PLXNB2: variants seen among roughly 807,000 people sequenced by gnomAD.
The protein encoded by PLXNB2 is plexin B2.
In PLXNB2, 85 loss-of-function variants were observed where a neutral mutation model predicts 202.6. The observed-to-expected ratio is 0.42, with a 90% CI of 0.35 to 0.50. The LOEUF (loss-of-function observed/expected upper bound fraction) is 0.50. Ranked by LOEUF, PLXNB2 falls within the 20% of genes least tolerant of loss-of-function variation. The pLI is 0.02. For synonymous variants in PLXNB2, 1,239 were observed against 1,137.6 expected, an observed-to-expected ratio of 1.09 and a Z score of -1.79; for missense variants, 2,063 against 2,586.2, an observed-to-expected ratio of 0.80 and a Z score of 4.39.
chr22:50,281,771 G>A (rs1339698111), intron 20 of PLXNB2, 29 bp from the exon 21 acceptor site: 3 of 1,565,396 alleles, frequency 1.9e-6, no homozygotes, highest in Admixed American at 3.5e-5. Context: ...TCGGGGTGAG[G>A]AGGAGGGAAC....
intron 27 of PLXNB2, among the ~76,000 whole-genome samples, chr22:50,279,414 G>A (rs540481905): frequency 6.6e-6 from 1 of 152,332 alleles, no homozygotes; most frequent in Non-Finnish European, 1.5e-5. Context: ...CGCCCGGGAA[G>A]AGCTGATGCG....
rs753578765 is a variant in PLXNB2, at chr22:50,280,978, G to A, written c.3764-5C>T. 5 of 1,612,260 alleles carry A rather than the reference G, an allele frequency of 3.1e-6. No individual in the cohort carries two copies. The African/African-American group carries it at 5.3e-5, about 17-fold the overall frequency. The stretch of plus-strand genomic sequence containing the variant: ...CCTCCATCTCGATCATCAGGTCTGG[G>A]GGGAGGCTGGCGTGAGACGTCCCTG... On this transcript the variant is annotated splice_polypyrimidine_tract_variant and splice_region_variant and intron_variant, in intron 23 of 36. Transcript: ENST00000359337.
At chr22:50,298,223 G>T (rs570802499) in intron 1 of PLXNB2, among the ~76,000 whole-genome samples, 1 of 152,366 alleles carries the variant, frequency 6.6e-6, no homozygotes, top group African/African-American at 2.4e-5. Flanking sequence ...CAGAGCAGAA[G>T]GGTCTCCTCC....
chr22:50,275,651 G>A lies in PLXNB2; in HGVS notation c.*53C>T. On this transcript the variant is annotated 3_prime_UTR_variant, in exon 37 of 37. Transcript: ENST00000359337. ...GCCACTCGGCCTCCTCCCCTGAGGG[G>A]CTCTCAGGTACCTCAGGTACCTATG... is the stretch of plus-strand genomic sequence containing the variant. 12 of 1,272,204 alleles carry A rather than the reference G, an allele frequency of 9.4e-6. No homozygotes were observed. Among genetic ancestry groups the A allele is most frequent in the Middle Eastern group, 2.3e-4 (1 of 4,354 alleles). 78.8% of individuals were successfully genotyped at this position (1,272,204 alleles called of 1,614,324 possible).
chr22:50,290,896 C>T (rs1280953330), intron 2 of PLXNB2, among the ~76,000 whole-genome samples: 1 of 152,180 alleles, frequency 6.6e-6, no homozygotes, highest in African/African-American at 2.4e-5. Context: ...AGGCCTATCC[C>T]CGAGGCAAGG....
chr22:50,295,959 G>A (rs1158344477), intron 1 of PLXNB2, among the ~76,000 whole-genome samples: 2 of 151,996 alleles, frequency 1.3e-5, no homozygotes, highest in African/African-American at 2.4e-5. Flanking sequence ...AAAATTAGCC[G>A]GGCGTAGTGG....
intron 2 of PLXNB2, among the ~76,000 whole-genome samples, chr22:50,294,112 T>C (rs1045705482): frequency 2.6e-5 from 4 of 152,252 alleles, no homozygotes; most frequent in African/African-American, 4.8e-5. Context: ...CACAGCCAGC[T>C]ACGCTTCCTG....
In PLXNB2 at chr22:50,284,031, C is replaced by G; in HGVS notation, c.2264-41G>C. On this transcript the variant is annotated intron_variant, in intron 13 of 36. Coordinates refer to ENST00000359337, the MANE Select transcript of PLXNB2 (RefSeq NM_012401.4). The surrounding 1 kb of genome is among the most constrained non-coding windows in gnomAD (Gnocchi z 8.0). ...CCGTCAGTGGTCACCCCGTGCCTGCCCGCCCCCGACCTGCTCCCCACTGCG... is the reference window on the plus strand; with the variant it reads ...CCGTCAGTGGTCACCCCGTGCCTGCGCGCCCCCGACCTGCTCCCCACTGCG... 6.6e-7 allele frequency: 1 copy of G among 1,521,618 alleles called. No individual in the cohort carries two copies. Among genetic ancestry groups the G allele is most frequent in the East Asian group, 2.5e-5 (1 of 40,802 alleles). The allele number at this position is 1,521,618 out of a possible 1,614,324, so 94.3% of individuals were successfully genotyped here.
At chr22:50,292,806 G>A (rs1292017463) in intron 2 of PLXNB2, among the ~76,000 whole-genome samples, 1 of 152,186 alleles carries the variant, frequency 6.6e-6, no homozygotes, top group African/African-American at 2.4e-5. Context: ...GCAACCGACC[G>A]ACAACATCTG....
At position 50,275,221 on chromosome 22, in the gene PLXNB2, C is replaced by G. The variant is rs2065462720; in HGVS notation, c.*483G>C. The G allele has an allele frequency of 2.1e-5, 7 of 341,160 alleles. No individual in the cohort carries two copies. In the East Asian group the frequency reaches 2.5e-4, roughly 12 times the overall value. 21.1% of individuals were successfully genotyped at this position (341,160 alleles called of 1,614,324 possible). A position where few individuals can be genotyped will look rare whatever the true frequency, so the allele number is the denominator to read the frequency against. On this transcript the variant is annotated 3_prime_UTR_variant, in exon 37 of 37. Coordinates refer to ENST00000359337, the MANE Select transcript of PLXNB2 (RefSeq NM_012401.4). The stretch of plus-strand genomic sequence containing the variant: ...CAGAGTGCCGGCACCCTTGGGGAGG[C>G]CGGTGAGGTCAGGAAGGCATCGTAC...
In PLXNB2 at chr22:50,284,337, C is replaced by T; in HGVS notation, c.2182-124G>A. On this transcript the variant is annotated intron_variant, in intron 12 of 36. Transcript: ENST00000359337. This position sits in a 1 kb window ranked among gnomAD's most constrained non-coding sequence, Gnocchi z 8.0. ...CCCAGCCAAGGGCAGCAGGGGAGGC[C>T]TTCAGGTGTCGGAAGTTCGGGAACC... The T allele has an allele frequency of 1.1e-6, 1 of 950,260 alleles. No homozygotes were observed. Among genetic ancestry groups the T allele is most frequent in the Non-Finnish European group, 1.7e-6 (1 of 600,438 alleles). 58.9% of individuals were successfully genotyped at this position (950,260 alleles called of 1,614,324 possible).
chr22:50,283,178 C>T lies in PLXNB2; in HGVS notation c.2688G>A (p.Lys896=), dbSNP rs1242771932. ...PNVQFTFQQP[K]PLSVEPQQGP... ...CCTGCTGCGGCTCCACACTGAGAGG[C>T]TTGGGCTGCTGAAAGAGCCGCAGGG... The change falls in exon 17 of 37, where the codon AAG becomes AAA. Residue 896 remains lysine (K), a synonymous_variant. Transcript: ENST00000359337. The T allele has an allele frequency of 6.3e-7, 1 of 1,598,834 alleles. No homozygotes were observed. The highest frequency in any genetic ancestry group is 1.3e-5 in the African/African-American group (1 of 74,632).
chr22:50,283,195 G>T lies in PLXNB2; in HGVS notation c.2680-9C>A. Reference sequence around the variant, plus strand: ...CTGAGAGGCTTGGGCTGCTGAAAGAGCCGCAGGGGCACTCGGGTGAGGACG... The same window carrying T: ...CTGAGAGGCTTGGGCTGCTGAAAGATCCGCAGGGGCACTCGGGTGAGGACG... On this transcript the variant is annotated splice_polypyrimidine_tract_variant and intron_variant, in intron 16 of 36. Coordinates refer to ENST00000359337, the MANE Select transcript of PLXNB2 (RefSeq NM_012401.4). 1 of 1,598,662 alleles carries T rather than the reference G, an allele frequency of 6.3e-7. No homozygotes were observed. The highest frequency in any genetic ancestry group is 1.1e-5 in the South Asian group (1 of 89,772).
At chr22:50,299,096 T>C (rs2067483748) in intron 1 of PLXNB2, among the ~76,000 whole-genome samples, 1 of 152,128 alleles carries the variant, frequency 6.6e-6, no homozygotes. Context: ...AGGAGGTGCA[T>C]GGGCAGCGGC....
At chr22:50,292,313 G>T (rs1056317633) in intron 2 of PLXNB2, among the ~76,000 whole-genome samples, 2 of 147,354 alleles carry the variant, frequency 1.4e-5, no homozygotes, top group Non-Finnish European at 3.0e-5. Flanking sequence ...ACTCCAGCCT[G>T]GGTGACAGAG....
At chr22:50,298,959 T>G (rs1293990508) in intron 1 of PLXNB2, among the ~76,000 whole-genome samples, 2 of 152,244 alleles carry the variant, frequency 1.3e-5, no homozygotes, top group Non-Finnish European at 2.9e-5. Flanking sequence ...CTGACCATTC[T>G]TAATGCTAAA....
At chr22:50,294,528 C>T (rs1169928211) in intron 2 of PLXNB2, among the ~76,000 whole-genome samples, 191 bp downstream of exon 2, 3 of 148,962 alleles carry the variant, frequency 2.0e-5, no homozygotes, top group Non-Finnish European at 3.0e-5. Flanking sequence ...AGCCTCACAG[C>T]GGCTCCATGG....
Position 50,289,539 on chromosome 22 carries a change from A to G in PLXNB2, c.1046T>C (p.Ile349Thr), listed in dbSNP as rs1601727941. Residue 349 changes from isoleucine (I) to threonine (T), a missense_variant, in exon 3 of 37, where the codon ATC (isoleucine) becomes ACC (threonine). Ile to Thr is a moderately conservative substitution (Grantham distance 89, BLOSUM62 -1). Coordinates refer to ENST00000359337, the MANE Select transcript of PLXNB2 (RefSeq NM_012401.4). This position sits in a 1 kb window ranked among gnomAD's most constrained non-coding sequence, Gnocchi z 8.0. The stretch of plus-strand genomic sequence containing the variant: ...TACCGGCGCGTGGCCGCCGCACTGG[A>G]TATCGCCGTGGAAGGGCTTGTAGAA... Reference protein sequence around the residue: ...DIFYKPFHGDIQCGGHAPGSS... With the variant: ...DIFYKPFHGDTQCGGHAPGSS... 6.2e-7 allele frequency: 1 copy of G among 1,611,684 alleles called. No individual in the cohort carries two copies. Among genetic ancestry groups the G allele is most frequent in the East Asian group, 2.2e-5 (1 of 44,856 alleles).
chr22:50,292,198 C>T (rs895095022), intron 2 of PLXNB2, among the ~76,000 whole-genome samples: 40 of 151,954 alleles, frequency 2.6e-4, no homozygotes, highest in Admixed American at 4.6e-4. Flanking sequence ...ATTAGCCAAG[C>T]GTGCTGGCAC....
Sources: gnomAD v4.1 joint callset for allele counts (sites outside exome capture counted in the v4.1 genomes callset) on GRCh38, gnomAD v4.1.1 for gene constraint, Gnocchi (gnomAD v3.1) non-coding constraint, MANE v1.5 for transcripts, NCBI Gene and HGNC (gene_info 2026-07-23, HGNC 2026-07-21) for gene names.